The following FAIM2 variants were observed in gnomAD, a reference collection of about 807,000 sequenced individuals.
FAIM2 encodes the protein Fas apoptotic inhibitory molecule 2, also known as protein lifeguard 2.
Under a neutral mutation model 47.4 loss-of-function variants are expected in FAIM2, and 27 were observed. The observed-to-expected ratio is 0.57, with a 90% CI of 0.42 to 0.78. The LOEUF is 0.78. Ranked by LOEUF, FAIM2 falls within the 30% of genes least tolerant of loss-of-function variation. The pLI is 0.00. For missense variants in FAIM2, 311 were observed against 389.4 expected, an observed-to-expected ratio of 0.80 and a Z score of 1.69; for synonymous variants, 156 against 159.3, an observed-to-expected ratio of 0.98 and a Z score of 0.16.
chr12:49,886,577 A>C (rs945547731), intron 11 of FAIM2, among the ~76,000 whole-genome samples: 8 of 151,926 alleles, frequency 5.3e-5, no homozygotes, highest in African/African-American at 1.9e-4. Context: ...CCGGGTTCAC[A>C]CCATTCTCCT....
intron 11 of FAIM2, among the ~76,000 whole-genome samples, chr12:49,873,208 C>T (rs972289860): frequency 8.6e-5 from 13 of 152,032 alleles, no homozygotes; most frequent in Non-Finnish European, 1.8e-4. Context: ...GTTTGAGACC[C>T]GGCTCCATTG....
chr12:49,875,804 C>T (rs547687440), intron 11 of FAIM2, among the ~76,000 whole-genome samples: 5 of 152,174 alleles, frequency 3.3e-5, no homozygotes, highest in Admixed American at 1.3e-4. Flanking sequence ...ATGAAACCCC[C>T]GTCTCTACTA....
At chr12:49,877,045 C>T (rs907362875) in intron 11 of FAIM2, among the ~76,000 whole-genome samples, 3 of 152,240 alleles carry the variant, frequency 2.0e-5, no homozygotes, top group African/African-American at 7.2e-5. Flanking sequence ...ACTCCACAAC[C>T]CTACTGGCCG....
rs11169204 is a variant in FAIM2, at chr12:49,903,435, C to T, written c.15+343G>A. Among the ~76,000 whole-genome samples the T allele has an allele frequency of 5.6e-3, 847 of 152,338 alleles. 7 individuals are homozygous for T. The highest frequency in any genetic ancestry group is 8.7e-3 in the Non-Finnish European group (594 of 68,026). The stretch of plus-strand genomic sequence containing the variant: ...ATAGGCACTGCCCCTCAGGGCTCAC[C>T]CTGGCACACACATACCCATGCACAC... On this transcript the variant is annotated intron_variant, in intron 1 of 11. Coordinates refer to ENST00000320634, the MANE Select transcript of FAIM2 (RefSeq NM_012306.4).
At chr12:49,886,313 C>T (rs1177699715) in intron 11 of FAIM2, among the ~76,000 whole-genome samples, 1 of 152,172 alleles carries the variant, frequency 6.6e-6, no homozygotes, top group Non-Finnish European at 1.5e-5. Context: ...GCCTCCTGGG[C>T]ATCTGCTTCC....
intron 11 of FAIM2, among the ~76,000 whole-genome samples, chr12:49,882,480 C>T (rs1478388054): frequency 6.6e-6 from 1 of 152,202 alleles, no homozygotes; most frequent in Non-Finnish European, 1.5e-5. Context: ...TCCCCTGCCC[C>T]ATGGGCCCCA....
intron 11 of FAIM2, among the ~76,000 whole-genome samples, chr12:49,879,972 G>GTA (rs1946796219): frequency 1.1e-5 from 1 of 87,502 alleles, no homozygotes; most frequent in Admixed American, 1.2e-4. Context: ...GCATGTGTGT[G>GTA]TATATGTGAG....
intron 11 of FAIM2, among the ~76,000 whole-genome samples, chr12:49,875,468 T>A (rs1946729796): frequency 6.6e-6 from 1 of 152,058 alleles, no homozygotes; most frequent in Non-Finnish European, 1.5e-5. Context: ...TGAGTGGAGA[T>A]CTGGGGCCCA....
At chr12:49,886,473 TTTA>T (rs923962348) in intron 11 of FAIM2, among the ~76,000 whole-genome samples, 3 of 152,060 alleles carry the variant, frequency 2.0e-5, no homozygotes, top group African/African-American at 7.2e-5. Flanking sequence ...TCTTAATTTA[TTTA>T]TTATTATTAT....
At chr12:49,883,238 T>C (rs955266729) in intron 11 of FAIM2, among the ~76,000 whole-genome samples, 2 of 151,936 alleles carry the variant, frequency 1.3e-5, no homozygotes, top group Non-Finnish European at 2.9e-5. Flanking sequence ...GTGCTGTGCA[T>C]AGATGCAGGG....
At position 49,870,306 on chromosome 12, in the gene FAIM2, G is replaced by T. The variant is rs1946692627; in HGVS notation, c.*198C>A. 4 of 556,296 alleles carry T rather than the reference G, an allele frequency of 7.2e-6. No individual in the cohort carries two copies. The highest frequency in any genetic ancestry group is 9.6e-6 in the Non-Finnish European group (3 of 312,660). 34.5% of individuals were successfully genotyped at this position (556,296 alleles called of 1,614,324 possible). On this transcript the variant is annotated 3_prime_UTR_variant, in exon 12 of 12. Coordinates refer to ENST00000320634, the MANE Select transcript of FAIM2 (RefSeq NM_012306.4). Reference sequence around the variant, plus strand: ...GGGCGAATGGGGCGGCACAGGGATTGACGTGGCCTCAGTTCCTCAGGGTCC... The same window carrying T: ...GGGCGAATGGGGCGGCACAGGGATTTACGTGGCCTCAGTTCCTCAGGGTCC...
chr12:49,875,959 G>A (rs1415038159), intron 11 of FAIM2, among the ~76,000 whole-genome samples: 1 of 152,194 alleles, frequency 6.6e-6, no homozygotes, highest in Non-Finnish European at 1.5e-5. Context: ...CTGGGCGACA[G>A]AGTGAGACTC....
chr12:49,881,320 T>C (rs556198612), intron 11 of FAIM2, among the ~76,000 whole-genome samples: 34 of 152,294 alleles, frequency 2.2e-4, no homozygotes, highest in Non-Finnish European at 3.7e-4. Context: ...GCTCCCAAGG[T>C]CCTCAATTTG....
At position 49,870,284 on chromosome 12, in the gene FAIM2, C is replaced by T. The variant is rs1240207997; in HGVS notation, c.*220G>A. On this transcript the variant is annotated 3_prime_UTR_variant, in exon 12 of 12. Transcript: ENST00000320634. ...GTCCCAGTTTGGAAGATGTAACGGG[C>T]GAATGGGGCGGCACAGGGATTGACG... 4 of 467,622 alleles carry T rather than the reference C, an allele frequency of 8.6e-6. No individual in the cohort carries two copies. The highest frequency in any genetic ancestry group is 3.5e-5 in the East Asian group (1 of 28,486). The allele number at this position is 467,622 out of a possible 1,614,324, so 29.0% of individuals were successfully genotyped here.
At chr12:49,897,618 G>A (rs757390395) in intron 3 of FAIM2, 35 bp from the exon 4 acceptor site, 6 of 1,542,806 alleles carry the variant, frequency 3.9e-6, no homozygotes, top group African/African-American at 2.7e-5. Context: ...AGCTTGGGGG[G>A]CCCTGTTAGG....
chr12:49,889,480 C>G lies in FAIM2; in HGVS notation c.651+1G>C. Reference sequence around the variant, plus strand: ...CCCTGCCTGCAGGCCCCAGAGCTGACCTTGGTCTGGAAGCTGAAGACGGTG... The same window carrying G: ...CCCTGCCTGCAGGCCCCAGAGCTGAGCTTGGTCTGGAAGCTGAAGACGGTG... On this transcript the variant is annotated splice_donor_variant, in intron 9 of 11. Coordinates refer to ENST00000320634, the MANE Select transcript of FAIM2 (RefSeq NM_012306.4). LOFTEE classifies it high-confidence loss of function. 1 of 1,613,808 alleles carries G rather than the reference C, an allele frequency of 6.2e-7. No homozygotes were observed. The highest frequency in any genetic ancestry group is 8.5e-7 in the Non-Finnish European group (1 of 1,179,744).
At chr12:49,877,024 GC>G (rs1946741359) in intron 11 of FAIM2, among the ~76,000 whole-genome samples, 1 of 152,190 alleles carries the variant, frequency 6.6e-6, no homozygotes, top group African/African-American at 2.4e-5. Context: ...CAGCTGCAGA[GC>G]CCCCTCCCCA....
rs1173130650 is a variant in FAIM2, at chr12:49,903,812, G to A, written c.-20C>T. 1 of 1,538,512 alleles carries A rather than the reference G, an allele frequency of 6.5e-7. No individual in the cohort carries two copies. Among genetic ancestry groups the A allele is most frequent in the Non-Finnish European group, 8.8e-7 (1 of 1,141,072 alleles). On this transcript the variant is annotated 5_prime_UTR_variant, in exon 1 of 12. Coordinates refer to ENST00000320634, the MANE Select transcript of FAIM2 (RefSeq NM_012306.4). ...GGTCATGGTGCCGTCTCTCGGGGAA[G>A]GGGTCCCTGAGGCCCGGGTGGCCGC...
intron 6 of FAIM2, 38 bp from the exon 7 acceptor site, chr12:49,890,760 G>A (rs1250573431): frequency 6.2e-7 from 1 of 1,601,008 alleles, no homozygotes; most frequent in Non-Finnish European, 8.6e-7. Flanking sequence ...GATCGTAGGG[G>A]GTGGGGGCAG....
Sources: gnomAD v4.1 joint callset for allele counts (sites outside exome capture counted in the v4.1 genomes callset) on GRCh38, gnomAD v4.1.1 for gene constraint, MANE v1.5 for transcripts, NCBI Gene and HGNC (gene_info 2026-07-23, HGNC 2026-07-21) for gene names.